Variants in DAB2IP observed in about 807,000 individuals in gnomAD.
DAB2IP encodes disabled homolog 2-interacting protein.
In DAB2IP, 28 loss-of-function variants were observed where a neutral mutation model predicts 107.2. The observed-to-expected ratio is 0.26, with a 90% CI of 0.19 to 0.36. The LOEUF (loss-of-function observed/expected upper bound fraction) is 0.36, where lower values mean the gene tolerates loss of function less well. Among genes scored for constraint, DAB2IP ranks in the 10% least tolerant of loss-of-function variants. The pLI is 1.00. For synonymous variants in DAB2IP, 755 were observed against 706.4 expected (o/e 1.07, Z -1.09); for missense variants, 1,400 against 1,644.7 (o/e 0.85, Z 2.57).
At chr9:121,616,833 C>A (rs1179472727) in intron 1 of DAB2IP, among the ~76,000 whole-genome samples, 2 of 152,232 alleles carry the variant, frequency 1.3e-5, no homozygotes, top group Non-Finnish European at 2.9e-5. Flanking sequence ...TTAAAGAGAG[C>A]AGCGGCTCCC....
rs561486502 is a variant in DAB2IP, at chr9:121,766,259, C to T, written c.1461-235C>T. Among the ~76,000 whole-genome samples the T allele has an allele frequency of 2.1e-4, 32 of 152,358 alleles. No individual in the cohort carries two copies. In the South Asian group the frequency reaches 6.4e-3, roughly 31 times the overall value. ...TGCCCGGCCCTTCACTGAGAACCCA[C>T]TGCCCGATGGGAGCCTGGGTCTCCC... On this transcript the variant is annotated intron_variant, in intron 8 of 15. Transcript: ENST00000408936.
intron 2 of DAB2IP, among the ~76,000 whole-genome samples, chr9:121,689,221 G>A (rs970618950): frequency 6.6e-6 from 1 of 151,970 alleles, no homozygotes; most frequent in Non-Finnish European, 1.5e-5. Context: ...TTGAACCTGG[G>A]AGGTGGAGGT....
chr9:121,732,367 G>C (rs1044852544), intron 3 of DAB2IP, among the ~76,000 whole-genome samples: 44 of 152,318 alleles, frequency 2.9e-4, no homozygotes, highest in African/African-American at 1.0e-3. Context: ...ACATCACTGT[G>C]GAGAAAAGGT....
At chr9:121,680,183 A>T (rs1589504224) in intron 2 of DAB2IP, among the ~76,000 whole-genome samples, 1 of 152,178 alleles carries the variant, frequency 6.6e-6, no homozygotes, top group Non-Finnish European at 1.5e-5. Context: ...TGAGGCTGGG[A>T]GGCCTGGCCG....
At chr9:121,755,968 G>C (rs915939748) in intron 3 of DAB2IP, among the ~76,000 whole-genome samples, 2 of 152,136 alleles carry the variant, frequency 1.3e-5, no homozygotes, top group African/African-American at 4.8e-5. Context: ...TAGGGCGTTG[G>C]GGGTAGGAGG....
intron 3 of DAB2IP, among the ~76,000 whole-genome samples, chr9:121,740,426 C>T (rs562384673): frequency 2.2e-4 from 34 of 152,302 alleles, no homozygotes; most frequent in Middle Eastern, 3.4e-3. Context: ...TCCACGGCCC[C>T]TAAATAAGAG....
Position 121,773,240 on chromosome 9 carries a change from G to A in DAB2IP, c.2712G>A (p.Thr904=), listed in dbSNP as rs372787392. The change falls in exon 12 of 16, where the codon ACG becomes ACA. Residue 904 remains threonine, a synonymous_variant. Coordinates refer to ENST00000408936, the Ensembl canonical transcript of DAB2IP. The stretch of plus-strand genomic sequence containing the variant: ...TGACTGAAAAAGGCGGGCAGCCCAC[G>A]GTGCCACGGCAGAACAGTGCTGGCC... 2.1e-4 allele frequency: 332 copies of A among 1,552,276 alleles called. 1 individual carries two copies. Among genetic ancestry groups the A allele is most frequent in the African/African-American group, 8.4e-4 (62 of 73,410 alleles).
rs1221643695 is a variant in DAB2IP, at chr9:121,698,473, C to G, written c.229-852C>G. On this transcript the variant is annotated intron_variant, in intron 2 of 15. Coordinates refer to ENST00000408936, the Ensembl canonical transcript of DAB2IP. The surrounding 1 kb of genome is among the most constrained non-coding windows in gnomAD (Gnocchi z 4.1). Reference sequence around the variant, plus strand: ...TAAGCTCTGTTTTCAGTCAGTGCAACCTGTTAGGTGGATAAATGGCGTGAA... The same window carrying G: ...TAAGCTCTGTTTTCAGTCAGTGCAAGCTGTTAGGTGGATAAATGGCGTGAA... Among the ~76,000 whole-genome samples the G allele has an allele frequency of 6.6e-6, 1 of 152,190 alleles. No individual in the cohort carries two copies. Among genetic ancestry groups the G allele is most frequent in the African/African-American group, 2.4e-5 (1 of 41,446 alleles).
intron 1 of DAB2IP, among the ~76,000 whole-genome samples, chr9:121,638,009 C>T (rs1414511867): frequency 6.6e-6 from 1 of 152,090 alleles, no homozygotes; most frequent in Non-Finnish European, 1.5e-5. Context: ...ACACCCCCCT[C>T]CCCCCATTGG....
intron 1 of DAB2IP, among the ~76,000 whole-genome samples, chr9:121,619,134 C>T (rs1057305257): frequency 6.6e-6 from 1 of 151,934 alleles, no homozygotes; most frequent in Non-Finnish European, 1.5e-5. Context: ...GGGAGAGCTT[C>T]GTGTCCTTTG....
intron 1 of DAB2IP, among the ~76,000 whole-genome samples, chr9:121,578,071 G>T (rs549032215): frequency 6.6e-6 from 1 of 152,114 alleles, no homozygotes; most frequent in African/African-American, 2.4e-5. Context: ...TGGGTGCCCT[G>T]CTCAGAGACC....
chr9:121,742,720 C>T (rs1564193186), intron 3 of DAB2IP: 2 of 985,704 alleles, frequency 2.0e-6, no homozygotes, highest in Non-Finnish European at 2.4e-6. Flanking sequence ...TTCCCTGCAC[C>T]TGCCTTTTCT....
At chr9:121,604,646 C>T (rs956466189) in intron 1 of DAB2IP, among the ~76,000 whole-genome samples, 1 of 152,180 alleles carries the variant, frequency 6.6e-6, no homozygotes, top group Non-Finnish European at 1.5e-5. Flanking sequence ...GCACCAATTT[C>T]ACCTCCATTT....
intron 1 of DAB2IP, among the ~76,000 whole-genome samples, chr9:121,576,981 C>G (rs1270084938): frequency 1.3e-5 from 2 of 152,182 alleles, no homozygotes; most frequent in Non-Finnish European, 2.9e-5. Flanking sequence ...GTCCTGTCAC[C>G]TCCCCCAGGA....
At chr9:121,591,193 G>C (rs1414615093) in intron 1 of DAB2IP, among the ~76,000 whole-genome samples, 11 of 152,230 alleles carry the variant, frequency 7.2e-5, no homozygotes, top group African/African-American at 2.7e-4. Flanking sequence ...CTAGGGCCAG[G>C]CATGGTAGCT....
chr9:121,618,728 A>T (rs1831361273), intron 1 of DAB2IP, among the ~76,000 whole-genome samples: 1 of 152,176 alleles, frequency 6.6e-6, no homozygotes, highest in Non-Finnish European at 1.5e-5. Flanking sequence ...CCAGGTGCAC[A>T]TCAGCTCCTA....
Position 121,755,155 on chromosome 9 carries a change from G to A in DAB2IP, c.363-1858G>A, listed in dbSNP as rs1007022205. ...GCACTGGTCATTGCCGTGATGGGGA[G>A]GAGGCCAGGCCGCTCGAGCAAGGCC... is the stretch of plus-strand genomic sequence containing the variant. On this transcript the variant is annotated intron_variant, in intron 3 of 15. Coordinates refer to ENST00000408936, the Ensembl canonical transcript of DAB2IP. Among the ~76,000 whole-genome samples, 22 of 152,246 alleles carry A rather than the reference G, an allele frequency of 1.4e-4. 1 individual carries two copies. Among genetic ancestry groups the A allele is most frequent in the Admixed American group, 7.8e-4 (12 of 15,292 alleles).
At chr9:121,715,703 C>T (rs1162986420) in intron 3 of DAB2IP, among the ~76,000 whole-genome samples, 1 of 152,150 alleles carries the variant, frequency 6.6e-6, no homozygotes, top group Non-Finnish European at 1.5e-5. Flanking sequence ...ACTAGTGACT[C>T]CTCTTTCAAA....
intron 1 of DAB2IP, among the ~76,000 whole-genome samples, chr9:121,586,581 G>C (rs1830318410): frequency 6.6e-6 from 1 of 152,100 alleles, no homozygotes; most frequent in Non-Finnish European, 1.5e-5. Context: ...ACCTTGGGAG[G>C]CTGAGGCAGG....
Sources: allele counts gnomAD v4.1 joint callset (sites outside exome capture counted in the v4.1 genomes callset), GRCh38; gene constraint gnomAD v4.1.1; non-coding constraint Gnocchi (gnomAD v3.1); transcripts MANE v1.5; gene names NCBI Gene and HGNC (gene_info 2026-07-23, HGNC 2026-07-21).